DIP2C: variants seen among roughly 807,000 people sequenced by gnomAD.
DIP2C encodes DIP2 acetate--CoA ligase C (putative), also known as disco-interacting protein 2 homolog C.
In DIP2C, 33 loss-of-function variants were observed where a neutral mutation model predicts 192.4. That is an observed-to-expected ratio of 0.17 (90% CI 0.13 to 0.23). The LOEUF (loss-of-function observed/expected upper bound fraction) is 0.23, where lower values mean the gene tolerates loss of function less well. DIP2C is among the 10% of genes least tolerant of loss of function. The probability of loss-of-function intolerance (pLI) is 1.00; values close to 1 mark genes in which losing one functional copy is unlikely to be tolerated. For synonymous variants in DIP2C, 979 were observed against 864.1 expected, an observed-to-expected ratio of 1.13 and a Z score of -2.33; for missense variants, 1,537 against 2,110.1, an observed-to-expected ratio of 0.73 and a Z score of 5.32.
At chr10:655,299 T>C (rs1402798085) in intron 1 of DIP2C, among the ~76,000 whole-genome samples, 3 of 152,356 alleles carry the variant, frequency 2.0e-5, no homozygotes, top group African/African-American at 7.2e-5. Flanking sequence ...TCGATGTCCA[T>C]GTGTCTGTTT....
chr10:518,283 G>A (rs1025691555), intron 1 of DIP2C, among the ~76,000 whole-genome samples: 3 of 152,218 alleles, frequency 2.0e-5, no homozygotes, highest in African/African-American at 4.8e-5. Context: ...CGTGAAAAGC[G>A]GCGTTGCCAG....
intron 35 of DIP2C, 106 bp downstream of exon 35, chr10:283,166 C>T (rs1474408840): frequency 4.9e-6 from 7 of 1,441,576 alleles, no homozygotes; most frequent in Non-Finnish European, 6.6e-6. Context: ...GCACACGTGC[C>T]CTCCTGGCTT....
At chr10:493,911 G>A (rs554242421) in intron 1 of DIP2C, among the ~76,000 whole-genome samples, 1 of 152,340 alleles carries the variant, frequency 6.6e-6, no homozygotes, top group African/African-American at 2.4e-5. Context: ...GTGCAGAACC[G>A]CCTGGCCCAG....
At chr10:451,296 C>T (rs1968824259) in intron 3 of DIP2C, among the ~76,000 whole-genome samples, 1 of 152,082 alleles carries the variant, frequency 6.6e-6, no homozygotes, top group Non-Finnish European at 1.5e-5. Context: ...CCTCAAACCT[C>T]AACACTTTGT....
chr10:398,503 G>A (rs969024622), intron 10 of DIP2C, among the ~76,000 whole-genome samples: 3 of 152,086 alleles, frequency 2.0e-5, no homozygotes, highest in Non-Finnish European at 2.9e-5. Context: ...TAAAATGTAC[G>A]AACCCAAAAG....
chr10:586,565 C>G (rs1851044494), intron 1 of DIP2C, among the ~76,000 whole-genome samples: 1 of 152,196 alleles, frequency 6.6e-6, no homozygotes, highest in Non-Finnish European at 1.5e-5. Flanking sequence ...GGAAGGTGCC[C>G]TCATTTACTT....
chr10:506,927 G>A (rs981928410), intron 1 of DIP2C, among the ~76,000 whole-genome samples: 1 of 150,526 alleles, frequency 6.6e-6, no homozygotes, highest in Non-Finnish European at 1.5e-5. Context: ...CACTGTGCAT[G>A]ATCAGAGGTG....
At position 288,296 on chromosome 10, in the gene DIP2C, A is replaced by T. The variant is rs1219372468; in HGVS notation, c.4044+68T>A. ...ACATTCTAAAAAATACATTTCCTAA[A>T]ATTTCAAAGCCCATACAGTCAGAAG... On this transcript the variant is annotated intron_variant, in intron 33 of 36. Transcript: ENST00000280886. 3 of 1,436,142 alleles carry T rather than the reference A, an allele frequency of 2.1e-6. No homozygotes were observed. The African/African-American group carries it at 4.3e-5, about 21-fold the overall frequency. The allele number at this position is 1,436,142 out of a possible 1,614,324, so 89.0% of individuals were successfully genotyped here.
chr10:538,253 C>T (rs1176665097), intron 1 of DIP2C, among the ~76,000 whole-genome samples: 1 of 152,156 alleles, frequency 6.6e-6, no homozygotes, highest in Non-Finnish European at 1.5e-5. Flanking sequence ...AAACTCTGGG[C>T]TTCAGAGATC....
At chr10:558,209 C>T (rs979173235) in intron 1 of DIP2C, among the ~76,000 whole-genome samples, 5 of 152,230 alleles carry the variant, frequency 3.3e-5, no homozygotes, top group African/African-American at 9.6e-5. Flanking sequence ...ACTGAGCATG[C>T]GTCAAGCCCA....
At chr10:661,412 A>G (rs1346449539) in intron 1 of DIP2C, among the ~76,000 whole-genome samples, 1 of 152,118 alleles carries the variant, frequency 6.6e-6, no homozygotes, top group Non-Finnish European at 1.5e-5. Flanking sequence ...CAGGCCTCGA[A>G]GGACCATCTC....
intron 9 of DIP2C, among the ~76,000 whole-genome samples, chr10:400,718 ACG>A: frequency 6.7e-6 from 1 of 149,642 alleles, no homozygotes; most frequent in Non-Finnish European, 1.5e-5. Context: ...GTGATTTTAC[ACG>A]TGTGGTAGCA....
At chr10:370,303 G>A (rs567713468) in intron 17 of DIP2C, among the ~76,000 whole-genome samples, 2 of 152,306 alleles carry the variant, frequency 1.3e-5, no homozygotes, top group East Asian at 1.9e-4. Flanking sequence ...CGTTCACCAC[G>A]CTGGGGCCCA....
rs369160068 is a variant in DIP2C at position 607,645 on chromosome 10, G to GC, written c.85+81848dup. Among the ~76,000 whole-genome samples the GC allele has an allele frequency of 1.4e-3, 209 of 152,238 alleles. 4 individuals are homozygous for GC. Among genetic ancestry groups the GC allele is most frequent in the African/African-American group, 4.7e-3 (196 of 41,520 alleles). ...CTTACAACGGGTTCATCCAGAGGCAGCCCATCTCGGCCCAAACGATGCAAT... is the reference window on the plus strand; with the variant it reads ...CTTACAACGGGTTCATCCAGAGGCAGCCCCATCTCGGCCCAAACGATGCAAT... On this transcript the variant is annotated intron_variant, in intron 1 of 36. Coordinates refer to ENST00000280886, the MANE Select transcript of DIP2C (RefSeq NM_014974.3).
intron 1 of DIP2C, among the ~76,000 whole-genome samples, chr10:496,287 A>C (rs1266092466): frequency 6.7e-6 from 1 of 149,114 alleles, no homozygotes; most frequent in Admixed American, 6.7e-5. Context: ...TCTCTACATT[A>C]CTCTTAATAC....
At chr10:681,280 A>G (rs141626601) in intron 1 of DIP2C, among the ~76,000 whole-genome samples, 120 of 150,520 alleles carry the variant, frequency 8.0e-4, no homozygotes, top group Admixed American at 1.8e-3. Context: ...ACCTATGGCC[A>G]TGGAAATTCC....
At chr10:584,041 C>T (rs930520808) in intron 1 of DIP2C, among the ~76,000 whole-genome samples, 8 of 152,164 alleles carry the variant, frequency 5.3e-5, no homozygotes, top group Non-Finnish European at 7.3e-5. Context: ...GGTGTCTGTC[C>T]TATGGAGGAG....
chr10:383,386 T>TA (rs1962556776), intron 16 of DIP2C, among the ~76,000 whole-genome samples: 2 of 152,262 alleles, frequency 1.3e-5, no homozygotes, highest in Non-Finnish European at 2.9e-5. Flanking sequence ...CAGATACCTT[T>TA]AATTTCACTT....
At position 444,448 on chromosome 10, in the gene DIP2C, A is replaced by G. The variant is rs1967994002; in HGVS notation, c.269-3452T>C. Among the ~76,000 whole-genome samples the G allele has an allele frequency of 2.6e-5, 4 of 151,256 alleles. No individual in the cohort carries two copies. The South Asian group carries it at 6.3e-4, about 24-fold the overall frequency. On this transcript the variant is annotated intron_variant, in intron 3 of 36. Transcript: ENST00000280886. ...CATCCGAGACTCATGTAGATTCTCC[A>G]TCATCACATGGAGCCCACGCCATGG... is the stretch of plus-strand genomic sequence containing the variant.
Sources: gnomAD v4.1 joint callset for allele counts (sites outside exome capture counted in the v4.1 genomes callset) on GRCh38, gnomAD v4.1.1 for gene constraint, MANE v1.5 for transcripts, NCBI Gene and HGNC (gene_info 2026-07-23, HGNC 2026-07-21) for gene names.